LUC7L3: variants seen among roughly 807,000 people sequenced by gnomAD.
LUC7L3 encodes the protein luc7-like protein 3.
A neutral mutation model predicts 66.8 loss-of-function variants in LUC7L3; 6 were observed. That is an observed-to-expected ratio of 0.09 (90% CI 0.05 to 0.18). The LOEUF is 0.18. LUC7L3 is among the 10% of genes least tolerant of loss of function. LUC7L3 has a pLI of 1.00. For synonymous variants in LUC7L3, 160 were observed against 174.7 expected, an observed-to-expected ratio of 0.92 and a Z score of 0.66; for missense variants, 341 against 531.1, an observed-to-expected ratio of 0.64 and a Z score of 3.52.
chr17:50,736,375 T>C (rs1315549379), intron 1 of LUC7L3, among the ~76,000 whole-genome samples: 1 of 152,186 alleles, frequency 6.6e-6, no homozygotes, highest in Non-Finnish European at 1.5e-5. Context: ...AGAGAATTGC[T>C]TGGAGCCAGG....
At chr17:50,742,421 C>T (rs796596674) in intron 5 of LUC7L3, among the ~76,000 whole-genome samples, 6 of 152,100 alleles carry the variant, frequency 3.9e-5, no homozygotes, top group African/African-American at 9.6e-5. Flanking sequence ...TGCAGTGGTG[C>T]GATCTCAGCT....
At chr17:50,724,520 CA>C (rs570517042) in intron 1 of LUC7L3, among the ~76,000 whole-genome samples, 6 of 144,174 alleles carry the variant, frequency 4.2e-5, no homozygotes, top group Admixed American at 1.4e-4. Context: ...CACTCTGTCT[CA>C]AAAAAAAAAT....
intron 2 of LUC7L3, 163 bp from the exon 3 acceptor site, chr17:50,740,143 A>T: frequency 3.4e-6 from 2 of 583,314 alleles, no homozygotes. Flanking sequence ...CTATTTGGTT[A>T]TGATGCTTCA....
chr17:50,739,208 A>G (rs1235684865), intron 2 of LUC7L3, among the ~76,000 whole-genome samples: 1 of 152,238 alleles, frequency 6.6e-6, no homozygotes, highest in Non-Finnish European at 1.5e-5. Flanking sequence ...CAATAATTCT[A>G]TAGTGAGCTT....
At chr17:50,741,371 T>C (rs897140651) in intron 4 of LUC7L3, 125 bp downstream of exon 4, 20 of 975,790 alleles carry the variant, frequency 2.0e-5, no homozygotes, top group Middle Eastern at 2.2e-4. Context: ...ATGAAACTTA[T>C]AGGGCATTCA....
intron 1 of LUC7L3, among the ~76,000 whole-genome samples, chr17:50,729,904 A>C (rs1470902025): frequency 3.1e-5 from 1 of 32,094 alleles, no homozygotes; most frequent in Non-Finnish European, 5.2e-5. Flanking sequence ...CATTATATAT[A>C]TATATATATA....
At chr17:50,721,555 A>G (rs879775075) in intron 1 of LUC7L3, among the ~76,000 whole-genome samples, 2 of 152,212 alleles carry the variant, frequency 1.3e-5, no homozygotes, top group Admixed American at 6.5e-5. Context: ...TTCACTCTAG[A>G]TTGAAGGATT....
At chr17:50,727,590 G>A (rs1331331576) in intron 1 of LUC7L3, among the ~76,000 whole-genome samples, 1 of 152,178 alleles carries the variant, frequency 6.6e-6, no homozygotes, top group Non-Finnish European at 1.5e-5. Context: ...GATTGGGATG[G>A]ATACTCAGGA....
At chr17:50,737,299 G>A (rs1162889619) in intron 2 of LUC7L3, 4 of 551,326 alleles carry the variant, frequency 7.3e-6, no homozygotes, top group African/African-American at 1.9e-5. Flanking sequence ...GTATTTGGAA[G>A]AGGAGATAAC....
Position 50,732,314 on chromosome 17 carries a change from G to A in LUC7L3, c.100-4646G>A, listed in dbSNP as rs1969658735. 2.6e-5 allele frequency among the ~76,000 whole-genome samples: 4 copies of A among 152,208 alleles called. No individual in the cohort carries two copies. The South Asian group carries it at 8.3e-4, about 32-fold the overall frequency. ...GGAGTTGCTTTCGCTTTTACATACAGGCTAACACCTTTTTCTTCCAATTTA... is the reference window on the plus strand; with the variant it reads ...GGAGTTGCTTTCGCTTTTACATACAAGCTAACACCTTTTTCTTCCAATTTA... On this transcript the variant is annotated intron_variant, in intron 1 of 9. Coordinates refer to ENST00000505658, the MANE Select transcript of LUC7L3 (RefSeq NM_016424.5).
chr17:50,751,379 C>T lies in LUC7L3; in HGVS notation c.*718C>T, dbSNP rs184535408. 2.4e-5 allele frequency: 31 copies of T among 1,292,432 alleles called. No homozygotes were observed. In the East Asian group the frequency reaches 1.7e-3, roughly 69 times the overall value. 80.1% of individuals were successfully genotyped at this position (1,292,432 alleles called of 1,614,324 possible). ...ACTAAGCAGGTACTCATGCCAGGTA[C>T]TCCTTTCTCTACCCACATCCATGTT... On this transcript the variant is annotated 3_prime_UTR_variant, in exon 10 of 10. Transcript: ENST00000505658.
chr17:50,721,901 G>GC (rs1968794928), intron 1 of LUC7L3, among the ~76,000 whole-genome samples: 2 of 151,772 alleles, frequency 1.3e-5, no homozygotes, highest in South Asian at 4.2e-4. Context: ...GCTGGATGGG[G>GC]CCCTTGTTTT....
Position 50,722,191 on chromosome 17 carries a change from C to CTTTTTTTTTTTTTTTTTT in LUC7L3, c.99+2367_99+2384dup, listed in dbSNP as rs869286245. 5 of 63,712 alleles carry CTTTTTTTTTTTTTTTTTT rather than the reference C, an allele frequency of 7.8e-5. 1 individual carries two copies. Among genetic ancestry groups the CTTTTTTTTTTTTTTTTTT allele is most frequent in the Admixed American group, 5.0e-4 (2 of 4,024 alleles). 3.9% of individuals were successfully genotyped at this position (63,712 alleles called of 1,614,324 possible). A position where few individuals can be genotyped will look rare whatever the true frequency, so the allele number is the denominator to read the frequency against. ...TTTTTTATGGCTCCTCTTATGCATT[C>CTTTTTTTTTTTTTTTTTT]TTTTTTTTTTTTTTTTTTTTTTTTG... is the stretch of plus-strand genomic sequence containing the variant. On this transcript the variant is annotated intron_variant, in intron 1 of 9. Transcript: ENST00000505658.
intron 1 of LUC7L3, among the ~76,000 whole-genome samples, chr17:50,725,673 T>C (rs1467845385): frequency 1.3e-5 from 2 of 152,196 alleles, no homozygotes; most frequent in Non-Finnish European, 2.9e-5. Context: ...TCAATAAATA[T>C]ATTGGAACAT....
intron 1 of LUC7L3, among the ~76,000 whole-genome samples, chr17:50,721,650 C>G (rs1381219243): frequency 6.6e-6 from 1 of 152,152 alleles, no homozygotes; most frequent in Non-Finnish European, 1.5e-5. Flanking sequence ...ATGGTCTCAT[C>G]TAAATAGGTG....
At chr17:50,745,432 G>A (rs754693356) in intron 7 of LUC7L3, among the ~76,000 whole-genome samples, 1 of 152,136 alleles carries the variant, frequency 6.6e-6, no homozygotes, top group Non-Finnish European at 1.5e-5. Context: ...ATTTTCCTAT[G>A]TGTAATTATT....
At chr17:50,738,304 TC>T (rs1456187668) in intron 2 of LUC7L3, 1 of 222,104 alleles carries the variant, frequency 4.5e-6, no homozygotes, top group East Asian at 1.3e-4. Flanking sequence ...CCTACTAACT[TC>T]CAGTCAGATT....
At chr17:50,719,975 G>A (rs554699644) in intron 1 of LUC7L3, 144 bp downstream of exon 1, 1 of 687,676 alleles carries the variant, frequency 1.5e-6, no homozygotes, top group Admixed American at 3.2e-5. Flanking sequence ...GGAGCCAGGA[G>A]GGAGGATGCT....
chr17:50,741,607 T>C, intron 4 of LUC7L3, 50 bp from the exon 5 acceptor site: 1 of 1,183,036 alleles, frequency 8.5e-7, no homozygotes, highest in Non-Finnish European at 1.3e-6. Context: ...AGTTTGCATG[T>C]TTATCTTTGT....
Sources: allele counts gnomAD v4.1 joint callset (sites outside exome capture counted in the v4.1 genomes callset), GRCh38; gene constraint gnomAD v4.1.1; transcripts MANE v1.5; gene names NCBI Gene and HGNC (gene_info 2026-07-23, HGNC 2026-07-21).